Variants in GIN1 observed in about 807,000 individuals in gnomAD.
The protein encoded by GIN1 is gypsy retrotransposon integrase 1.
Under a neutral mutation model 51.4 loss-of-function variants are expected in GIN1, and 41 were observed. The observed-to-expected ratio is 0.80, with a 90% CI of 0.62 to 1.04. GIN1 has a LOEUF of 1.04. Among genes scored for constraint, GIN1 ranks in the 50% least tolerant of loss-of-function variants. GIN1 has a pLI of 0.00. For missense variants in GIN1, 610 were observed against 612.4 expected (o/e 1.00, Z 0.04); for synonymous variants, 222 against 206.5 (o/e 1.07, Z -0.64).
At chr5:103,098,043 C>T (rs193098045) in intron 4 of GIN1, among the ~76,000 whole-genome samples, 15 of 152,136 alleles carry the variant, frequency 9.9e-5, no homozygotes, top group South Asian at 2.1e-4. Context: ...CCACCACACC[C>T]GGCTAATTTT....
intron 7 of GIN1, among the ~76,000 whole-genome samples, chr5:103,095,504 T>C (rs1223550943): frequency 1.3e-5 from 2 of 152,202 alleles, no homozygotes; most frequent in East Asian, 3.8e-4. Flanking sequence ...ATATTAAAAA[T>C]TAATGTCATT....
chr5:103,107,050 AT>A, intron 2 of GIN1, 141 bp from the exon 3 acceptor site: 1 of 558,798 alleles, frequency 1.8e-6, no homozygotes, highest in Non-Finnish European at 3.1e-6. Flanking sequence ...CAGAATATTT[AT>A]TTTTAATGAT....
At chr5:103,097,222 T>G in intron 6 of GIN1, 92 bp downstream of exon 6, 1 of 726,838 alleles carries the variant, frequency 1.4e-6, no homozygotes, top group Non-Finnish European at 2.3e-6. Context: ...TGTGTGTGTG[T>G]GTGCATGCAC....
At chr5:103,116,995 T>C (rs543254067) in intron 1 of GIN1, among the ~76,000 whole-genome samples, 2 of 152,258 alleles carry the variant, frequency 1.3e-5, no homozygotes, top group African/African-American at 4.8e-5. Context: ...TGGCAATTTC[T>C]TATAAAGTTA....
chr5:103,107,100 ATACT>A (rs1392360690), intron 2 of GIN1, among the ~76,000 whole-genome samples, 191 bp from the exon 3 acceptor site: 4 of 152,038 alleles, frequency 2.6e-5, no homozygotes, highest in Non-Finnish European at 4.4e-5. Context: ...CACTTACTAG[ATACT>A]TAGGAAGGGC....
Position 103,097,894 on chromosome 5 carries a change from T to A in GIN1, c.640-113A>T. 15 of 588,214 alleles carry A rather than the reference T, an allele frequency of 2.6e-5. 2 individuals carry two copies. In the South Asian group the frequency reaches 3.5e-4, roughly 14 times the overall value. The allele number at this position is 588,214 out of a possible 1,614,324, so 36.4% of individuals were successfully genotyped here. A position where few individuals can be genotyped will look rare whatever the true frequency, so the allele number is the denominator to read the frequency against. The stretch of plus-strand genomic sequence containing the variant: ...ATCTTGCCTTTTATTTATCTATTTA[T>A]TTTTTTGAGATGGAGTCTTGCTCAG... On this transcript the variant is annotated intron_variant, in intron 4 of 7. Coordinates refer to ENST00000399004, the MANE Select transcript of GIN1 (RefSeq NM_017676.2).
chr5:103,093,877 T>C (rs183853189), intron 7 of GIN1, among the ~76,000 whole-genome samples: 5 of 152,276 alleles, frequency 3.3e-5, no homozygotes, highest in Admixed American at 3.3e-4. Context: ...CTGCTTAAAA[T>C]AGCAATGAAA....
At chr5:103,109,645 C>T (rs1362151210) in intron 1 of GIN1, among the ~76,000 whole-genome samples, 3 of 152,070 alleles carry the variant, frequency 2.0e-5, no homozygotes, top group Non-Finnish European at 4.4e-5. Flanking sequence ...CCCATCATAA[C>T]CTAAAAAACA....
At chr5:103,101,545 G>A (rs1787575599) in intron 4 of GIN1, among the ~76,000 whole-genome samples, 1 of 152,092 alleles carries the variant, frequency 6.6e-6, no homozygotes, top group African/African-American at 2.4e-5. Context: ...TAGACGTGCC[G>A]GCGCTATCAC....
intron 2 of GIN1, among the ~76,000 whole-genome samples, chr5:103,107,402 G>A (rs183344831): frequency 7.4e-4 from 112 of 152,132 alleles, no homozygotes; most frequent in African/African-American, 2.4e-3. Context: ...ATGGTGAAGC[G>A]GGCAAGTGGA....
At position 103,106,779 on chromosome 5, in the gene GIN1, C is replaced by G; in HGVS notation, c.270G>C (p.Arg90Ser). Reference protein sequence around the residue: ...NDSGAHHGISRTLTLVESNYY... With the variant: ...NDSGAHHGISSTLTLVESNYY... ...AATTGGATTCTACCAGAGTGAGGGT[C>G]CTGGATATACCATGATGAGCTCCAC... is the stretch of plus-strand genomic sequence containing the variant. Residue 90 changes from arginine to serine, a missense_variant, in exon 3 of 8, where the codon AGG becomes AGC. Arg to Ser is a moderately radical substitution (Grantham distance 110, BLOSUM62 -1). Transcript: ENST00000399004. 6.2e-7 allele frequency: 1 copy of G among 1,605,006 alleles called. No individual in the cohort carries two copies. Among genetic ancestry groups the G allele is most frequent in the Non-Finnish European group, 8.5e-7 (1 of 1,175,106 alleles).
At chr5:103,113,512 G>T (rs1787941235) in intron 1 of GIN1, among the ~76,000 whole-genome samples, 1 of 146,762 alleles carries the variant, frequency 6.8e-6, no homozygotes, top group African/African-American at 2.5e-5. Context: ...CCTCCTCAAA[G>T]TTCCACCTCT....
At chr5:103,106,543 A>G in intron 3 of GIN1, 173 bp downstream of exon 3, 1 of 457,174 alleles carries the variant, frequency 2.2e-6, no homozygotes, top group South Asian at 4.6e-5. Flanking sequence ...TTTCCTGTTC[A>G]AATTATACTT....
chr5:103,106,958 C>T (rs375360664), intron 2 of GIN1, 49 bp from the exon 3 acceptor site: 167 of 1,031,382 alleles, frequency 1.6e-4, no homozygotes, highest in Middle Eastern at 8.1e-4. Context: ...TAGAGATCTA[C>T]GTAGTTTTAA....
At chr5:103,088,793 T>TA (rs574085464) in intron 7 of GIN1, among the ~76,000 whole-genome samples, 52 of 150,318 alleles carry the variant, frequency 3.5e-4, no homozygotes, top group Admixed American at 2.3e-3. Context: ...AACCCTGTCT[T>TA]AAAAAAAAAA....
chr5:103,096,838 A>C lies in GIN1; in HGVS notation c.1009-12T>G. ...TTGTTGTTCTCCATCTACAAGTGTA[A>C]AAAGAAAAAGAACAAAGAGATGAAA... On this transcript the variant is annotated splice_polypyrimidine_tract_variant and intron_variant, in intron 6 of 7. Transcript: ENST00000399004. 6.6e-7 allele frequency: 1 copy of C among 1,514,650 alleles called. No individual in the cohort carries two copies. Among genetic ancestry groups the C allele is most frequent in the Non-Finnish European group, 9.1e-7 (1 of 1,097,788 alleles). 93.8% of individuals were successfully genotyped at this position (1,514,650 alleles called of 1,614,324 possible).
chr5:103,112,011 A>T (rs2151476037), intron 1 of GIN1, among the ~76,000 whole-genome samples: 2 of 152,328 alleles, frequency 1.3e-5, no homozygotes, highest in South Asian at 4.1e-4. Flanking sequence ...ACTTTTGAAT[A>T]ATTGAAAGTA....
Position 103,088,155 on chromosome 5 carries a change from G to C in GIN1, c.1312C>G (p.Gln438Glu). ...TCATGATCTGCCACTACTGAACCTT[G>C]CAAGAGATAAAGACTTTCTGAAAAA... ...SSEQESLYLLQGSVVADHDYI... is the reference protein window; with the variant it reads ...SSEQESLYLLEGSVVADHDYI... Residue 438 changes from glutamine (Q) to glutamate (E), a missense_variant, in exon 8 of 8, where the codon CAA (glutamine) becomes GAA (glutamate). Coordinates refer to ENST00000399004, the MANE Select transcript of GIN1 (RefSeq NM_017676.2). 1.3e-6 allele frequency: 2 copies of C among 1,541,422 alleles called. No individual in the cohort carries two copies. Among genetic ancestry groups the C allele is most frequent in the South Asian group, 2.5e-5 (2 of 79,260 alleles).
intron 2 of GIN1, 58 bp downstream of exon 2, chr5:103,108,511 G>A (rs1348993599): frequency 1.7e-6 from 2 of 1,198,084 alleles, no homozygotes; most frequent in Non-Finnish European, 2.4e-6. Context: ...ACTTCCACAA[G>A]GAAGAATGTG....
Sources: gnomAD v4.1 joint callset for allele counts (sites outside exome capture counted in the v4.1 genomes callset) on GRCh38, gnomAD v4.1.1 for gene constraint, MANE v1.5 for transcripts, NCBI Gene and HGNC (gene_info 2026-07-23, HGNC 2026-07-21) for gene names.